RPS6KC1: variants seen among roughly 807,000 people sequenced by gnomAD.
RPS6KC1 encodes inactive ribosomal protein S6 kinase delta-1.
Under a neutral mutation model 103.8 loss-of-function variants are expected in RPS6KC1, and 54 were observed. The observed-to-expected ratio is 0.52, with a 90% CI of 0.42 to 0.65. RPS6KC1 has a LOEUF of 0.65. Ranked by LOEUF, RPS6KC1 falls within the 30% of genes least tolerant of loss-of-function variation. The probability of loss-of-function intolerance (pLI) is 0.00; values close to 1 mark genes in which losing one functional copy is unlikely to be tolerated. For missense variants in RPS6KC1, 1,151 were observed against 1,253.8 expected, an observed-to-expected ratio of 0.92 and a Z score of 1.24; for synonymous variants, 439 against 438.7, an observed-to-expected ratio of 1.00 and a Z score of -0.01.
At position 213,217,195 on chromosome 1, in the gene RPS6KC1, T is replaced by C. The variant is rs375607469; in HGVS notation, c.1045-13302T>C. Among the ~76,000 whole-genome samples the C allele has an allele frequency of 2.4e-4, 37 of 151,628 alleles. 2 individuals carry two copies. The highest frequency in any genetic ancestry group is 8.0e-4 in the African/African-American group (33 of 41,018). ...TAAAAAATGATAAAGGGGATATCAC[T>C]ACCGATCCCACAGAAATACAAACTA... is the stretch of plus-strand genomic sequence containing the variant. On this transcript the variant is annotated intron_variant, in intron 8 of 14. Transcript: ENST00000366960.
the RPS6KC1 span, among the ~76,000 whole-genome samples, chr1:213,440,606 A>AAAG: frequency 7.3e-5 from 11 of 151,404 alleles, no homozygotes; most frequent in Non-Finnish European, 3.0e-5. Context: ...AAAAAAAAAA[A>AAAG]AAAAAAAAAG....
At chr1:213,523,933 G>A in the RPS6KC1 span, among the ~76,000 whole-genome samples, 1 of 152,172 alleles carries the variant, frequency 6.6e-6, no homozygotes, top group Non-Finnish European at 1.5e-5. Flanking sequence ...GACACATGTT[G>A]CAGGCAGAGG....
At chr1:213,494,543 G>C in the RPS6KC1 span, among the ~76,000 whole-genome samples, 1 of 152,012 alleles carries the variant, frequency 6.6e-6, no homozygotes, top group Non-Finnish European at 1.5e-5. Context: ...ATTGTTTTGA[G>C]AGACAAATGT....
chr1:213,343,391 GTA>G, the RPS6KC1 span, among the ~76,000 whole-genome samples: 1,389 of 65,498 alleles, frequency 0.021, 65 homozygotes, highest in African/African-American at 0.031. Context: ...AGTGTTGTGT[GTA>G]TATATATATA....
At chr1:213,564,540 C>T in the RPS6KC1 span, among the ~76,000 whole-genome samples, 1 of 152,254 alleles carries the variant, frequency 6.6e-6, no homozygotes, top group African/African-American at 2.4e-5. Flanking sequence ...GTCCTTCAGT[C>T]AGTTTCTTTG....
chr1:213,493,018 T>A, the RPS6KC1 span, among the ~76,000 whole-genome samples: 1 of 152,124 alleles, frequency 6.6e-6, no homozygotes, highest in African/African-American at 2.4e-5. Flanking sequence ...GTAGAGATCG[T>A]GGTGATGGTG....
At chr1:213,550,023 G>C in the RPS6KC1 span, among the ~76,000 whole-genome samples, 3 of 152,156 alleles carry the variant, frequency 2.0e-5, no homozygotes, top group Non-Finnish European at 2.9e-5. Flanking sequence ...AGGCACATGA[G>C]AGCCTGAATG....
At chr1:213,115,231 T>G (rs1459250015) in intron 4 of RPS6KC1, among the ~76,000 whole-genome samples, 1 of 151,950 alleles carries the variant, frequency 6.6e-6, no homozygotes, top group Non-Finnish European at 1.5e-5. Context: ...CAATTTCAGA[T>G]CCTGTTATTG....
chr1:213,716,323 C>G, the RPS6KC1 span, among the ~76,000 whole-genome samples: 9 of 152,072 alleles, frequency 5.9e-5, no homozygotes, highest in Non-Finnish European at 8.8e-5. Flanking sequence ...CCTGGGGCTC[C>G]CTGCCTAATT....
the RPS6KC1 span, among the ~76,000 whole-genome samples, chr1:213,660,448 A>G: frequency 6.6e-6 from 1 of 152,326 alleles, no homozygotes; most frequent in Admixed American, 6.5e-5. Context: ...GAGCCCTAAG[A>G]TCTCCATTTA....
the RPS6KC1 span, among the ~76,000 whole-genome samples, chr1:213,752,801 G>A: frequency 6.6e-6 from 1 of 152,192 alleles, no homozygotes; most frequent in East Asian, 1.9e-4. Flanking sequence ...AAGGGGAACA[G>A]ATCTGATCTT....
the RPS6KC1 span, among the ~76,000 whole-genome samples, chr1:213,621,301 T>C: frequency 6.6e-6 from 1 of 151,720 alleles, no homozygotes; most frequent in South Asian, 2.1e-4. Flanking sequence ...ACTAGAACAA[T>C]AGATACGGCT....
the RPS6KC1 span, among the ~76,000 whole-genome samples, chr1:213,656,991 T>C: frequency 1.3e-5 from 2 of 152,180 alleles, no homozygotes; most frequent in Non-Finnish European, 2.9e-5. Context: ...TATGCATTTC[T>C]GAAGAGCATC....
chr1:213,244,206 A>C (rs2094415003), intron 12 of RPS6KC1, among the ~76,000 whole-genome samples: 1 of 151,904 alleles, frequency 6.6e-6, no homozygotes, highest in Admixed American at 6.6e-5. Context: ...ATTAAAAAAA[A>C]AAACCAGATC....
At chr1:213,078,680 G>A (rs1344934842) in intron 3 of RPS6KC1, among the ~76,000 whole-genome samples, 1 of 152,144 alleles carries the variant, frequency 6.6e-6, no homozygotes, top group Non-Finnish European at 1.5e-5. Context: ...GGGATTACAG[G>A]CATGAGCCAC....
the RPS6KC1 span, among the ~76,000 whole-genome samples, chr1:213,488,068 T>C: frequency 0.013 from 1,958 of 152,336 alleles, 33 homozygotes; most frequent in African/African-American, 0.036. Context: ...TTTCTCTCTC[T>C]GTGTATGCTC....
the RPS6KC1 span, among the ~76,000 whole-genome samples, chr1:213,728,948 G>GTTTTTTTT: frequency 1.2e-4 from 11 of 91,288 alleles, no homozygotes; most frequent in Non-Finnish European, 1.4e-4. Context: ...TTTTTTTTTT[G>GTTTTTTTT]TTTTTTTTTT....
At chr1:213,510,449 A>G in the RPS6KC1 span, among the ~76,000 whole-genome samples, 1 of 152,030 alleles carries the variant, frequency 6.6e-6, no homozygotes, top group Non-Finnish European at 1.5e-5. Flanking sequence ...ATGGAGGTAT[A>G]CTCTATACCC....
the RPS6KC1 span, among the ~76,000 whole-genome samples, chr1:213,503,526 A>G: frequency 6.6e-5 from 10 of 152,074 alleles, no homozygotes; most frequent in Non-Finnish European, 1.5e-4. Flanking sequence ...AGTACACTTC[A>G]CCCCTTGCCT....
Sources: allele counts gnomAD v4.1 joint callset (sites outside exome capture counted in the v4.1 genomes callset), GRCh38; gene constraint gnomAD v4.1.1; transcripts MANE v1.5; gene names NCBI Gene and HGNC (gene_info 2026-07-23, HGNC 2026-07-21).